Variants in APC observed in about 807,000 individuals in gnomAD.
The protein encoded by APC is adenomatous polyposis coli protein.
APC carries 72 observed loss-of-function variants against 247.0 expected under a neutral mutation model. The observed-to-expected ratio is 0.29, with a 90% confidence interval of 0.24 to 0.35. The LOEUF (loss-of-function observed/expected upper bound fraction) is 0.35. Among genes scored for constraint, APC ranks in the 10% least tolerant of loss-of-function variants. APC has a pLI of 1.00. For synonymous variants in APC, 1,254 were observed against 1,162.5 expected (o/e 1.08, Z -1.60); for missense variants, 3,400 against 3,360.7 (o/e 1.01, Z -0.29).
intron 8 of APC, 84 bp downstream of exon 8, chr5:112,801,467 T>C: frequency 9.7e-7 from 1 of 1,030,176 alleles, no homozygotes. Context: ...GAATGATCTA[T>C]AAATCTTACC....
Position 112,840,622 on chromosome 5 carries a change from A to G in APC, c.5028A>G (p.Arg1676=). Residue 1676 remains arginine, a synonymous_variant, in exon 16 of 16, where the codon AGA becomes AGG. Transcript: ENST00000257430. This position sits in a 1 kb window ranked among gnomAD's most constrained non-coding sequence, Gnocchi z 4.1. ...PNELAAGEGV[R]GGAQSGEFEK... is the part of the protein sequence containing the mutation. ...AGTTAGCTGCTGGAGAAGGAGTTAGAGGAGGGGCACAGTCAGGTGAATTTG... is the reference window on the plus strand; with the variant it reads ...AGTTAGCTGCTGGAGAAGGAGTTAGGGGAGGGGCACAGTCAGGTGAATTTG... 6.2e-7 allele frequency: 1 copy of G among 1,614,024 alleles called. No individual in the cohort carries two copies. The highest frequency in any genetic ancestry group is 2.2e-5 in the East Asian group (1 of 44,868).
chr5:112,759,588 C>A (rs1755424776), intron 2 of APC, among the ~76,000 whole-genome samples: 1 of 151,962 alleles, frequency 6.6e-6, no homozygotes, highest in South Asian at 2.1e-4. Context: ...AATTTCTTGA[C>A]CTTGTGATCC....
chr5:112,753,534 A>G (rs1297508500), intron 1 of APC, among the ~76,000 whole-genome samples: 1 of 152,192 alleles, frequency 6.6e-6, no homozygotes, highest in African/African-American at 2.4e-5. Context: ...TTAAATCATG[A>G]CCAGGCCTGA....
At chr5:112,737,019 A>T (rs1752433944), upstream of APC, among the ~76,000 whole-genome samples, 1 of 152,218 alleles carries the variant, frequency 6.6e-6, no homozygotes, top group African/African-American at 2.4e-5. Context: ...AACTTTATAT[A>T]TTCTTGACAG....
chr5:112,800,865 C>A lies in APC; in HGVS notation c.730-414C>A, dbSNP rs148624870. 3.0e-3 allele frequency among the ~76,000 whole-genome samples: 453 copies of A among 151,756 alleles called. 2 individuals carry two copies. Among genetic ancestry groups the A allele is most frequent in the African/African-American group, 0.01 (430 of 41,406 alleles). ...TATATATATTCTATGTGAAAATATA[C>A]CTAAGTAGAAGATATTTGTAAGCTT... On this transcript the variant is annotated intron_variant, in intron 7 of 15. Coordinates refer to ENST00000257430, the MANE Select transcript of APC (RefSeq NM_000038.6).
chr5:112,726,780 T>G (rs1707550742), intron 1 of APC, among the ~76,000 whole-genome samples: 1 of 152,122 alleles, frequency 6.6e-6, no homozygotes, highest in African/African-American at 2.4e-5. Flanking sequence ...AAAAGGTGTA[T>G]GACACTTAAG....
intron 8 of APC, among the ~76,000 whole-genome samples, chr5:112,805,226 A>G (rs557352394): frequency 1.1e-4 from 16 of 152,048 alleles, no homozygotes; most frequent in Non-Finnish European, 1.9e-4. Context: ...CCCAAAACCC[A>G]TTTTCATTTT....
At chr5:112,804,160 A>T (rs776932276) in intron 8 of APC, among the ~76,000 whole-genome samples, 6 of 152,116 alleles carry the variant, frequency 3.9e-5, no homozygotes, top group Non-Finnish European at 5.9e-5. Flanking sequence ...TTCTTCCTGG[A>T]CATTTTCCTT....
chr5:112,787,953 G>A (rs1759152940), intron 6 of APC, among the ~76,000 whole-genome samples: 1 of 151,808 alleles, frequency 6.6e-6, no homozygotes, highest in Admixed American at 6.6e-5. Flanking sequence ...TATTATACAT[G>A]CACATGATTT....
intron 1 of APC, among the ~76,000 whole-genome samples, chr5:112,732,394 A>C (rs982001379): frequency 3.3e-5 from 5 of 152,224 alleles, no homozygotes; most frequent in African/African-American, 1.2e-4. Context: ...TCTGCAGTGT[A>C]ACAACTAAGC....
At chr5:112,792,563 A>G (rs1237005373) in intron 7 of APC, 34 bp downstream of exon 7, 1 of 1,450,980 alleles carries the variant, frequency 6.9e-7, no homozygotes, top group South Asian at 1.1e-5. Flanking sequence ...TGTGGGTATA[A>G]AAATAGGTAG....
intron 8 of APC, 146 bp downstream of exon 8, chr5:112,801,529 C>G (rs1760829597): frequency 1.7e-6 from 1 of 584,754 alleles, no homozygotes; most frequent in South Asian, 2.1e-5. Context: ...TACCAATGTG[C>G]TGTCATTTCT....
intron 1 of APC, among the ~76,000 whole-genome samples, chr5:112,717,227 G>A (rs1405189287): frequency 6.6e-6 from 1 of 152,112 alleles, no homozygotes; most frequent in African/African-American, 2.4e-5. Flanking sequence ...TTGCTAGGCT[G>A]GTCTTGAAGT....
chr5:112,724,561 G>A (rs755180596), intron 1 of APC, among the ~76,000 whole-genome samples: 16 of 145,082 alleles, frequency 1.1e-4, no homozygotes, highest in Non-Finnish European at 3.0e-5. Context: ...CCAAGTGTGT[G>A]GTAAATGAGA....
At chr5:112,788,526 T>C (rs1343865226) in intron 6 of APC, among the ~76,000 whole-genome samples, 1 of 152,094 alleles carries the variant, frequency 6.6e-6, no homozygotes, top group African/African-American at 2.4e-5. Context: ...AACTGTAAAA[T>C]GTGAGGATTA....
intron 11 of APC, among the ~76,000 whole-genome samples, chr5:112,824,112 G>A (rs1763409410): frequency 2.0e-5 from 3 of 152,206 alleles, no homozygotes; most frequent in Non-Finnish European, 4.4e-5. Context: ...TAAGGATTCT[G>A]TTGAATGTCA....
chr5:112,760,747 C>G (rs1356950626), intron 2 of APC, among the ~76,000 whole-genome samples: 1 of 151,914 alleles, frequency 6.6e-6, no homozygotes, highest in Non-Finnish European at 1.5e-5. Flanking sequence ...GAGAGACACA[C>G]TCAAGGAACT....
At chr5:112,836,219 C>T (rs1002973248) in intron 15 of APC, among the ~76,000 whole-genome samples, 2 of 129,264 alleles carry the variant, frequency 1.5e-5, no homozygotes, top group East Asian at 2.5e-4. Context: ...TTAGTAGAGA[C>T]GGGGCTTCAC....
chr5:112,771,819 A>G lies in APC; in HGVS notation c.423-3810A>G, dbSNP rs112298727. On this transcript the variant is annotated intron_variant, in intron 4 of 15. Coordinates refer to ENST00000257430, the MANE Select transcript of APC (RefSeq NM_000038.6). ...TTTCTTTCTAGACCTTCTTAAAGTC[A>G]TAGTTTATATCTTCTTCCTTTATCT... 5.0e-3 allele frequency among the ~76,000 whole-genome samples: 762 copies of G among 151,970 alleles called. 8 individuals carry two copies. The highest frequency in any genetic ancestry group is 0.018 in the African/African-American group (729 of 41,462).
Sources: gnomAD v4.1 joint callset for allele counts (sites outside exome capture counted in the v4.1 genomes callset) on GRCh38, gnomAD v4.1.1 for gene constraint, Gnocchi (gnomAD v3.1) non-coding constraint, MANE v1.5 for transcripts, NCBI Gene and HGNC (gene_info 2026-07-23, HGNC 2026-07-21) for gene names.